NFX1: variants seen among roughly 807,000 people sequenced by gnomAD.
NFX1 encodes transcriptional repressor NF-X1.
A neutral mutation model predicts 137.2 loss-of-function variants in NFX1; 69 were observed. The observed-to-expected ratio is 0.50, with a 90% CI of 0.41 to 0.61. NFX1 has a LOEUF of 0.61. Ranked by LOEUF, NFX1 falls within the 20% of genes least tolerant of loss-of-function variation. NFX1 has a pLI of 0.00. For missense variants in NFX1, 1,167 were observed against 1,391.0 expected (o/e 0.84, Z 2.56); for synonymous variants, 495 against 474.1 (o/e 1.04, Z -0.57).
intron 15 of NFX1, chr9:33,348,569 G>A (rs1186292720): frequency 6.3e-6 from 1 of 158,230 alleles, no homozygotes; most frequent in Non-Finnish European, 1.4e-5. Flanking sequence ...AGTCTGAGAT[G>A]TTGCGAGAAT....
At chr9:33,358,004 GTCT>G (rs1160724215) in intron 19 of NFX1, among the ~76,000 whole-genome samples, 1 of 152,132 alleles carries the variant, frequency 6.6e-6, no homozygotes, top group African/African-American at 2.4e-5. Context: ...TGCATTTCAT[GTCT>G]TCTTTGATTT....
chr9:33,336,960 G>T (rs369231841), intron 11 of NFX1, among the ~76,000 whole-genome samples: 3 of 152,038 alleles, frequency 2.0e-5, no homozygotes, highest in South Asian at 4.1e-4. Flanking sequence ...AAAATTAGCC[G>T]GCATGGTGGC....
In NFX1 at chr9:33,294,744, G is replaced by C. The variant is rs371851347; in HGVS notation, c.350G>C (p.Arg117Thr). ...QKLRNEKHHI[R>T]VKKAQSLAEQ... is the part of the protein sequence containing the mutation. ...TTGAGGAATGAGAAGCACCATATCA[G>C]AGTCAAGAAAGCACAGAGTCTTGCT... Residue 117 changes from arginine to threonine, a missense_variant, in exon 2 of 24, where the codon AGA (arginine) becomes ACA (threonine). Arg to Thr is a moderately conservative substitution (Grantham distance 71). Transcript: ENST00000379540. The C allele has an allele frequency of 8.1e-6, 13 of 1,614,104 alleles. No homozygotes were observed. The African/African-American group carries it at 1.6e-4, about 20-fold the overall frequency.
At chr9:33,325,364 G>A (rs1822542908) in intron 9 of NFX1, among the ~76,000 whole-genome samples, 1 of 152,046 alleles carries the variant, frequency 6.6e-6, no homozygotes, top group South Asian at 2.1e-4. Context: ...TCAAAGTGCT[G>A]AAAGAAAACT....
At position 33,347,092 on chromosome 9, in the gene NFX1, A is replaced by G; in HGVS notation, c.2399A>G (p.Gln800Arg). 2 of 1,613,512 alleles carry G rather than the reference A, an allele frequency of 1.2e-6. No individual in the cohort carries two copies. The highest frequency in any genetic ancestry group is 1.7e-6 in the Non-Finnish European group (2 of 1,179,474). ...TGTCCCCCTTGCACTTTCCTAACTC[A>G]GAAGTGGTGCATGGGCAAGCATGAG... ...EKCPPCTFLT[Q>R]KWCMGKHEFR... Residue 800 changes from glutamine to arginine, a missense_variant, in exon 15 of 24, where the codon CAG becomes CGG. Transcript: ENST00000379540.
intron 11 of NFX1, among the ~76,000 whole-genome samples, chr9:33,333,817 A>G (rs985872011): frequency 1.3e-5 from 2 of 152,212 alleles, no homozygotes; most frequent in Non-Finnish European, 2.9e-5. Context: ...TCAGTGTGCC[A>G]TCTGTATCAA....
chr9:33,304,884 A>G (rs1821697870), intron 4 of NFX1, among the ~76,000 whole-genome samples: 1 of 152,226 alleles, frequency 6.6e-6, no homozygotes, highest in Non-Finnish European at 1.5e-5. Flanking sequence ...GGATTACATA[A>G]AGTACCACAA....
chr9:33,339,870 G>C (rs554594699), intron 12 of NFX1, among the ~76,000 whole-genome samples: 3 of 152,378 alleles, frequency 2.0e-5, no homozygotes, highest in East Asian at 1.9e-4. Flanking sequence ...TTGACTCCAT[G>C]TCTCACATCT....
intron 7 of NFX1, among the ~76,000 whole-genome samples, chr9:33,316,070 C>G (rs1587833865): frequency 6.6e-6 from 1 of 152,112 alleles, no homozygotes; most frequent in African/African-American, 2.4e-5. Context: ...CTGGTCTGTT[C>G]TCTGTGGAAT....
At chr9:33,353,266 A>G (rs953078185) in intron 17 of NFX1, among the ~76,000 whole-genome samples, 3 of 152,102 alleles carry the variant, frequency 2.0e-5, no homozygotes, top group African/African-American at 7.2e-5. Flanking sequence ...ACATCCTACC[A>G]TTTGTCATTG....
rs1308028454 is a variant in NFX1, at chr9:33,370,033, T to G, written c.*55T>G. Reference sequence around the variant, plus strand: ...TGATTAGGTATAGTGGAGACTTATTTGCCAGCAGATAAATCATGCCCGTTC... The same window carrying G: ...TGATTAGGTATAGTGGAGACTTATTGGCCAGCAGATAAATCATGCCCGTTC... On this transcript the variant is annotated 3_prime_UTR_variant, in exon 24 of 24. Coordinates refer to ENST00000379540, the MANE Select transcript of NFX1 (RefSeq NM_002504.6). 5 of 1,391,118 alleles carry G rather than the reference T, an allele frequency of 3.6e-6. No homozygotes were observed. The African/African-American group carries it at 5.7e-5, about 16-fold the overall frequency. 86.2% of individuals were successfully genotyped at this position (1,391,118 alleles called of 1,614,324 possible).
chr9:33,317,973 C>CAAAAAAAA lies in NFX1; in HGVS notation c.1589-737_1589-730dup, dbSNP rs5897542. ...CCTGGGCAAGAGTGAGACTCTGTCTCAAAAAAAAAAAAAAAAAAAAAAAAA... is the reference window on the plus strand; with the variant it reads ...CCTGGGCAAGAGTGAGACTCTGTCTCAAAAAAAAAAAAAAAAAAAAAAAAAAAAAAAAA... On this transcript the variant is annotated intron_variant, in intron 7 of 23. Transcript: ENST00000379540. Among the ~76,000 whole-genome samples, 10 of 44,396 alleles carry CAAAAAAAA rather than the reference C, an allele frequency of 2.3e-4. 1 individual carries two copies. In the South Asian group the frequency reaches 0.012, roughly 54 times the overall value. The allele number at this position is 44,396 out of a possible 152,430, so 29.1% of individuals were successfully genotyped here. A position where few individuals can be genotyped will look rare whatever the true frequency, so the allele number is the denominator to read the frequency against.
rs200261259 is a variant in NFX1 at position 33,301,361 on chromosome 9, T to C, written c.1132T>C (p.Tyr378His). ...TAPVWSCQSC[Y>H]HVFHLNCIKK... ...CCCAGTGTGGAGTTGTCAGAGCTGT[T>C]ACCATGTGTTTCATTTGAACTGCAT... Residue 378 changes from tyrosine to histidine, a missense_variant, in exon 3 of 24, where the codon TAC (tyrosine) becomes CAC (histidine). Transcript: ENST00000379540. The C allele has an allele frequency of 8.1e-6, 13 of 1,614,216 alleles. No individual in the cohort carries two copies. The highest frequency in any genetic ancestry group is 5.1e-6 in the Non-Finnish European group (6 of 1,180,038).
intron 9 of NFX1, among the ~76,000 whole-genome samples, chr9:33,320,190 C>G (rs1025231080): frequency 1.3e-5 from 2 of 152,004 alleles, no homozygotes; most frequent in African/African-American, 2.4e-5. Context: ...GTCTTGAACT[C>G]CTGACCTTGG....
intron 7 of NFX1, among the ~76,000 whole-genome samples, chr9:33,315,613 G>C (rs1214875097): frequency 6.6e-6 from 1 of 151,858 alleles, no homozygotes; most frequent in African/African-American, 2.4e-5. Flanking sequence ...AAAGTGGCTA[G>C]ATTGGCCTGG....
At chr9:33,328,501 C>T (rs1822680052) in intron 9 of NFX1, 80 bp from the exon 10 acceptor site, 15 of 992,562 alleles carry the variant, frequency 1.5e-5, no homozygotes, top group East Asian at 2.4e-5. Context: ...GAGGGGAAGA[C>T]CAGTGTGGCT....
chr9:33,333,909 C>G (rs1166817829), intron 11 of NFX1, among the ~76,000 whole-genome samples: 1 of 152,206 alleles, frequency 6.6e-6, no homozygotes, highest in Non-Finnish European at 1.5e-5. Context: ...CTTTGGGAGG[C>G]CAAGGTGGGC....
chr9:33,292,373 G>T (rs1043117835), intron 1 of NFX1, among the ~76,000 whole-genome samples: 5 of 152,214 alleles, frequency 3.3e-5, no homozygotes, highest in African/African-American at 7.2e-5. Context: ...CTGCCGGTGA[G>T]CAGACTCTGC....
intron 23 of NFX1, among the ~76,000 whole-genome samples, chr9:33,368,925 T>C (rs1441543028): frequency 6.6e-6 from 1 of 152,100 alleles, no homozygotes; most frequent in East Asian, 1.9e-4. Flanking sequence ...TAGGTTCTGG[T>C]CAGCACAGTC....
Sources: allele counts gnomAD v4.1 joint callset (sites outside exome capture counted in the v4.1 genomes callset), GRCh38; gene constraint gnomAD v4.1.1; transcripts MANE v1.5; gene names NCBI Gene and HGNC (gene_info 2026-07-23, HGNC 2026-07-21).